TEX10: variants seen among roughly 807,000 people sequenced by gnomAD.
TEX10 encodes testis-expressed protein 10.
In TEX10, 24 loss-of-function variants were observed where a neutral mutation model predicts 104.4. The observed-to-expected ratio is 0.23, with a 90% CI of 0.17 to 0.32. TEX10 has a LOEUF of 0.32. Ranked by LOEUF, TEX10 falls within the 10% of genes least tolerant of loss-of-function variation. The pLI, the probability that TEX10 is intolerant of heterozygous loss-of-function variation, is 1.00. For missense variants in TEX10, 921 were observed against 1,083.9 expected, an observed-to-expected ratio of 0.85 and a Z score of 2.11; for synonymous variants, 396 against 393.4, an observed-to-expected ratio of 1.01 and a Z score of -0.08.
chr9:100,316,906 A>C (rs1373897958), intron 11 of TEX10, among the ~76,000 whole-genome samples: 3 of 149,392 alleles, frequency 2.0e-5, no homozygotes, highest in Non-Finnish European at 4.5e-5. Flanking sequence ...AAAAAAAAAA[A>C]AAAAAAAAAA....
At chr9:100,331,088 T>G (rs529079735) in intron 5 of TEX10, among the ~76,000 whole-genome samples, 1 of 137,770 alleles carries the variant, frequency 7.3e-6, no homozygotes, top group South Asian at 2.6e-4. Flanking sequence ...AAACTCTGTC[T>G]CTACTAAATA....
chr9:100,351,847 G>C (rs1332389733), intron 1 of TEX10, among the ~76,000 whole-genome samples: 1 of 152,166 alleles, frequency 6.6e-6, no homozygotes, highest in African/African-American at 2.4e-5. Context: ...TTATAACAAA[G>C]ATTTTCATAA....
chr9:100,319,186 C>G (rs951131588), intron 11 of TEX10, among the ~76,000 whole-genome samples: 1 of 151,924 alleles, frequency 6.6e-6, no homozygotes, highest in Non-Finnish European at 1.5e-5. Flanking sequence ...AAGCGAGACT[C>G]CATCTCAAAA....
chr9:100,306,232 G>A (rs567654718), intron 13 of TEX10: 1 of 152,118 alleles, frequency 6.6e-6, no homozygotes, highest in African/African-American at 2.4e-5. Flanking sequence ...GTTTTTAGAA[G>A]AAAATAGAAA....
At chr9:100,339,669 T>G (rs1435380942) in intron 5 of TEX10, among the ~76,000 whole-genome samples, 1 of 152,126 alleles carries the variant, frequency 6.6e-6, no homozygotes, top group Non-Finnish European at 1.5e-5. Flanking sequence ...AACTACAGTA[T>G]TAGTATTTTA....
At chr9:100,309,701 T>C (rs1466704671) in intron 12 of TEX10, among the ~76,000 whole-genome samples, 1 of 152,204 alleles carries the variant, frequency 6.6e-6, no homozygotes, top group Non-Finnish European at 1.5e-5. Flanking sequence ...CTCAAAGATA[T>C]AATTTGGGAG....
intron 4 of TEX10, among the ~76,000 whole-genome samples, chr9:100,341,831 T>C (rs1434597535): frequency 6.6e-6 from 1 of 152,216 alleles, no homozygotes; most frequent in Non-Finnish European, 1.5e-5. Context: ...TTGCTAGAGT[T>C]AGACTGTGAG....
intron 13 of TEX10, 125 bp from the exon 14 acceptor site, chr9:100,303,967 A>G: frequency 1.1e-6 from 1 of 893,172 alleles, no homozygotes; most frequent in Non-Finnish European, 1.8e-6. Flanking sequence ...TTAAACTGAG[A>G]GCCAAATCAA....
chr9:100,327,469 ATAAG>A (rs568605736), intron 8 of TEX10, among the ~76,000 whole-genome samples: 3 of 151,738 alleles, frequency 2.0e-5, no homozygotes, highest in African/African-American at 7.3e-5. Context: ...CTATGATTAA[ATAAG>A]TAATAAAGAT....
At chr9:100,324,180 G>A (rs1228283797) in intron 9 of TEX10, among the ~76,000 whole-genome samples, 3 of 151,934 alleles carry the variant, frequency 2.0e-5, no homozygotes, top group Admixed American at 2.0e-4. Flanking sequence ...TTACATGCAT[G>A]AGCCGCCATG....
At position 100,349,102 on chromosome 9, in the gene TEX10, T is replaced by C. The variant is rs959312205; in HGVS notation, c.180+82A>G. On this transcript the variant is annotated intron_variant, in intron 2 of 14. Coordinates refer to ENST00000374902, the MANE Select transcript of TEX10 (RefSeq NM_017746.4). ...AGGCAAACTATTTACTCTAAGAGTTTAGACAAATTTTCACAAAAATATAAC... is the reference window on the plus strand; with the variant it reads ...AGGCAAACTATTTACTCTAAGAGTTCAGACAAATTTTCACAAAAATATAAC... 8.1e-6 allele frequency: 10 copies of C among 1,238,786 alleles called. No individual in the cohort carries two copies. In the African/African-American group the frequency reaches 1.2e-4, roughly 15 times the overall value. The allele number at this position is 1,238,786 out of a possible 1,614,324, so 76.7% of individuals were successfully genotyped here. A position where few individuals can be genotyped will look rare whatever the true frequency, so the allele number is the denominator to read the frequency against.
chr9:100,343,103 C>G (rs1835213389), intron 4 of TEX10, among the ~76,000 whole-genome samples: 2 of 150,936 alleles, frequency 1.3e-5, no homozygotes, highest in South Asian at 4.2e-4. Context: ...CGCCACTGCA[C>G]TCCAGCCTGG....
rs374867414 is a variant in TEX10, at chr9:100,303,287, A to G, written c.2676+345T>C. On this transcript the variant is annotated intron_variant, in intron 14 of 14. Coordinates refer to ENST00000374902, the MANE Select transcript of TEX10 (RefSeq NM_017746.4). ...AAGAAAGAAAGAAAAAAACTTGCCA[A>G]GCTGTCACAGTTCATTAATAGAGTC... Among the ~76,000 whole-genome samples, 21 of 152,342 alleles carry G rather than the reference A, an allele frequency of 1.4e-4. No homozygotes were observed. In the South Asian group the frequency reaches 4.1e-3, roughly 30 times the overall value.
intron 1 of TEX10, 81 bp downstream of exon 1, chr9:100,352,691 C>T (rs1813187195): frequency 1.5e-6 from 2 of 1,325,014 alleles, no homozygotes; most frequent in African/African-American, 3.1e-5. Context: ...CCGCTTGGGC[C>T]GCGGATCGGG....
chr9:100,322,969 T>A (rs1834607855), intron 9 of TEX10, among the ~76,000 whole-genome samples: 1 of 152,094 alleles, frequency 6.6e-6, no homozygotes, highest in African/African-American at 2.4e-5. Context: ...ACACTCTTCT[T>A]GAGTGTCATT....
intron 9 of TEX10, 95 bp downstream of exon 9, chr9:100,326,207 G>A: frequency 1.5e-6 from 2 of 1,299,026 alleles, no homozygotes; most frequent in Non-Finnish European, 2.1e-6. Context: ...TGAAAGTAGT[G>A]TATGCGACTT....
At chr9:100,326,266 T>A in intron 9 of TEX10, 36 bp downstream of exon 9, 2 of 1,590,070 alleles carry the variant, frequency 1.3e-6, no homozygotes, top group South Asian at 1.1e-5. Flanking sequence ...GGAAAAAGAT[T>A]ATACACTTAA....
rs147959341 is a variant in TEX10 at position 100,337,268 on chromosome 9, G to A, written c.1250+2989C>T. Among the ~76,000 whole-genome samples, 1,268 of 152,224 alleles carry A rather than the reference G, an allele frequency of 8.3e-3. 15 individuals carry two copies. The highest frequency in any genetic ancestry group is 0.014 in the Non-Finnish European group (953 of 68,006). On this transcript the variant is annotated intron_variant, in intron 5 of 14. Transcript: ENST00000374902. ...CAGCAACTAGTACAATAAGTGCCTTGCACATAAGAGTCCAATAAATTTCTT... is the reference window on the plus strand; with the variant it reads ...CAGCAACTAGTACAATAAGTGCCTTACACATAAGAGTCCAATAAATTTCTT...
chr9:100,341,566 T>G (rs1298480538), intron 4 of TEX10, among the ~76,000 whole-genome samples: 1 of 152,100 alleles, frequency 6.6e-6, no homozygotes, highest in African/African-American at 2.4e-5. Context: ...CTGGCTGGCT[T>G]TACCTAGATC....
Sources: allele counts gnomAD v4.1 joint callset (sites outside exome capture counted in the v4.1 genomes callset), GRCh38; gene constraint gnomAD v4.1.1; transcripts MANE v1.5; gene names NCBI Gene and HGNC (gene_info 2026-07-23, HGNC 2026-07-21).